The following REPS2 variants were observed in gnomAD, a reference collection of about 807,000 sequenced individuals.
REPS2 encodes the protein RALBP1 associated Eps domain containing 2.
In REPS2, 23 loss-of-function variants were observed where a neutral mutation model predicts 53.6. The observed-to-expected ratio is 0.43, with a 90% CI of 0.31 to 0.61. The LOEUF is 0.61. Ranked by LOEUF, REPS2 falls within the 20% of genes least tolerant of loss-of-function variation. REPS2 has a pLI of 0.11. For synonymous variants in REPS2, 238 were observed against 218.6 expected, an observed-to-expected ratio of 1.09 and a Z score of -0.78; for missense variants, 446 against 534.9, an observed-to-expected ratio of 0.83 and a Z score of 1.64.
chrX:16,983,174 G>C (rs911736691), intron 1 of REPS2, among the ~76,000 whole-genome samples: 2 of 105,949 alleles, frequency 1.9e-5, no homozygotes, highest in South Asian at 7.9e-4. Flanking sequence ...GTTAAGATAG[G>C]GTGTTGAGAA....
At position 17,068,385 on chromosome X, in the gene REPS2, A is replaced by T. The variant is rs773072057; in HGVS notation, c.1210-17A>T. Reference sequence around the variant, plus strand: ...CTGTTCCAACCAGTTTAATTCATTTACTTTTCTTTTTCAAAGAAGACATCT... The same window carrying T: ...CTGTTCCAACCAGTTTAATTCATTTTCTTTTCTTTTTCAAAGAAGACATCT... On this transcript the variant is annotated splice_polypyrimidine_tract_variant and intron_variant, in intron 9 of 17. Transcript: ENST00000357277. The T allele has an allele frequency of 6.3e-5, 74 of 1,171,724 alleles. No individual in the cohort carries two copies. The highest frequency in any genetic ancestry group is 8.2e-5 in the Non-Finnish European group (71 of 863,458).
At chrX:16,969,468 A>C (rs1358100960) in intron 1 of REPS2, among the ~76,000 whole-genome samples, 1 of 109,390 alleles carries the variant, frequency 9.1e-6, no homozygotes, top group African/African-American at 3.3e-5. Context: ...CTCCGTCTGC[A>C]ATCCCGGCAC....
In REPS2 at chrX:17,148,389, A is replaced by C. The variant is rs1469199231; in HGVS notation, c.*908A>C. The C allele has an allele frequency of 8.9e-6, 1 of 112,643 alleles. No individual in the cohort carries two copies. Among genetic ancestry groups the C allele is most frequent in the Non-Finnish European group, 1.9e-5 (1 of 53,428 alleles). The allele number at this position is 112,643 out of a possible 1,213,427, so 9.3% of individuals were successfully genotyped here. A position where few individuals can be genotyped will look rare whatever the true frequency, so the allele number is the denominator to read the frequency against. On this transcript the variant is annotated 3_prime_UTR_variant, in exon 18 of 18. Coordinates refer to ENST00000357277, the MANE Select transcript of REPS2 (RefSeq NM_004726.3). ...GCTGATGAGACTGTTAGGATTGATA[A>C]ACATTTGTTGTTTGAACCCAGCTAT...
chrX:17,144,411 T>A lies in REPS2; in HGVS notation c.1915-3002T>A, dbSNP rs923622920. ...TTTAGCCAACTCCCATCTCCCCTTA[T>A]GTACTCCCACTTTAATAGGTATCTG... On this transcript the variant is annotated intron_variant, in intron 17 of 17. Transcript: ENST00000357277. Among the ~76,000 whole-genome samples, 35 of 112,909 alleles carry A rather than the reference T, an allele frequency of 3.1e-4. 1 individual carries two copies.
chrX:17,067,024 CTT>C (rs1026805165), intron 9 of REPS2, among the ~76,000 whole-genome samples: 1 of 112,247 alleles, frequency 8.9e-6, no homozygotes, highest in Non-Finnish European at 1.9e-5. Flanking sequence ...AACCAATTAA[CTT>C]TTTGGAACAC....
chrX:17,189,269 T>C, the REPS2 span, among the ~76,000 whole-genome samples: 1 of 109,552 alleles, frequency 9.1e-6, no homozygotes, highest in Admixed American at 9.7e-5. Context: ...CACATGCCAC[T>C]TTCTTTTCTT....
intron 6 of REPS2, among the ~76,000 whole-genome samples, chrX:17,047,758 C>T (rs1351768850): frequency 8.9e-6 from 1 of 112,864 alleles, no homozygotes; most frequent in African/African-American, 3.2e-5. Flanking sequence ...GAAATGCTAG[C>T]GTGTCGCCCC....
chrX:17,027,659 G>GTTTTT (rs761592588), intron 4 of REPS2, among the ~76,000 whole-genome samples: 20 of 67,264 alleles, frequency 3.0e-4, no homozygotes, highest in African/African-American at 4.2e-4. Context: ...AAATCTTTAG[G>GTTTTT]TTTTTTTTTT....
rs772319159 is a variant in REPS2 at position 16,948,528 on chromosome X, G to A, written c.273+1394G>A. Reference sequence around the variant, plus strand: ...AATACATTTATTCAGTGCTGTAGCTGCTTCCCAGCTGAAAGAGGAATAATT... The same window carrying A: ...AATACATTTATTCAGTGCTGTAGCTACTTCCCAGCTGAAAGAGGAATAATT... On this transcript the variant is annotated intron_variant, in intron 1 of 17. Coordinates refer to ENST00000357277, the MANE Select transcript of REPS2 (RefSeq NM_004726.3). Among the ~76,000 whole-genome samples the A allele has an allele frequency of 2.7e-5, 3 of 112,461 alleles. No individual in the cohort carries two copies. The East Asian group carries it at 8.3e-4, about 31-fold the overall frequency.
the REPS2 span, among the ~76,000 whole-genome samples, chrX:17,179,948 G>A: frequency 8.9e-6 from 1 of 112,165 alleles, no homozygotes; most frequent in Admixed American, 9.5e-5. Flanking sequence ...TGGCTATGAT[G>A]TATTGTTAAG....
intron 1 of REPS2, among the ~76,000 whole-genome samples, chrX:16,987,631 C>G (rs778774873): frequency 3.0e-4 from 33 of 111,206 alleles, no homozygotes; most frequent in African/African-American, 1.0e-3. Flanking sequence ...ATATTTTAAC[C>G]CCTGCAGGCC....
intron 5 of REPS2, among the ~76,000 whole-genome samples, chrX:17,041,634 C>G (rs895477455): frequency 7.1e-5 from 8 of 111,976 alleles, no homozygotes; most frequent in Non-Finnish European, 1.3e-4. Context: ...TCACTGTGGG[C>G]TTAGTATGAG....
At chrX:16,976,295 A>G (rs915732698) in intron 1 of REPS2, among the ~76,000 whole-genome samples, 1 of 111,507 alleles carries the variant, frequency 9.0e-6, no homozygotes, top group Non-Finnish European at 1.9e-5. Context: ...AAGCATTTTT[A>G]TTCTGAAAGT....
chrX:17,097,575 A>G (rs1464581442), intron 13 of REPS2, among the ~76,000 whole-genome samples: 1 of 112,281 alleles, frequency 8.9e-6, no homozygotes, highest in African/African-American at 3.2e-5. Flanking sequence ...AGTAAATGGA[A>G]GAAGATAAGC....
chrX:17,062,462 G>A lies in REPS2; in HGVS notation c.1139G>A (p.Cys380Tyr). 8.3e-7 allele frequency: 1 copy of A among 1,203,523 alleles called. No homozygotes were observed. The highest frequency in any genetic ancestry group is 1.1e-6 in the Non-Finnish European group (1 of 891,544). Reference sequence around the variant, plus strand: ...GCTTTTCCTAAGCCCAAATGGGACTGTCAATTATTTGATTCTTATTCTGAG... The same window carrying A: ...GCTTTTCCTAAGCCCAAATGGGACTATCAATTATTTGATTCTTATTCTGAG... ...QAAFPKPKWD[C>Y]QLFDSYSESL... Residue 380 changes from cysteine (C) to tyrosine (Y), a missense_variant, in exon 9 of 18, where the codon TGT becomes TAT. By Grantham distance (194) the Cys-to-Tyr change is radical. Coordinates refer to ENST00000357277, the MANE Select transcript of REPS2 (RefSeq NM_004726.3).
At position 17,006,270 on chromosome X, in the gene REPS2, A is replaced by G; in HGVS notation, c.323A>G (p.Gln108Arg). The part of the protein sequence containing the change: ...AKRVGYFGPT[Q>R]FYIALKLIAA... ...CGGGTTGGTTATTTTGGTCCAACAC[A>G]GTTTTACATTGCCCTGAAATTAATT... Residue 108 changes from glutamine (Q) to arginine (R), a missense_variant, in exon 2 of 18, where the codon CAG (glutamine) becomes CGG (arginine). Physicochemically the swap from Gln to Arg is conservative, Grantham distance 43 (BLOSUM62 1). Transcript: ENST00000357277. The G allele has an allele frequency of 8.3e-7, 1 of 1,209,280 alleles. No individual in the cohort carries two copies. Among genetic ancestry groups the G allele is most frequent in the Non-Finnish European group, 1.1e-6 (1 of 892,995 alleles).
intron 6 of REPS2, among the ~76,000 whole-genome samples, chrX:17,050,969 G>C (rs2061994398): frequency 9.0e-6 from 1 of 110,763 alleles, no homozygotes; most frequent in Non-Finnish European, 1.9e-5. Context: ...CTAGTTTTTT[G>C]TACCCATTAG....
Position 17,077,549 on chromosome X carries a change from G to A in REPS2, c.1516+142G>A, listed in dbSNP as rs559605336. 74 of 563,730 alleles carry A rather than the reference G, an allele frequency of 1.3e-4. No homozygotes were observed. The South Asian group carries it at 3.2e-3, about 24-fold the overall frequency. The allele number at this position is 563,730 out of a possible 1,213,427, so 46.5% of individuals were successfully genotyped here. A position where few individuals can be genotyped will look rare whatever the true frequency, so the allele number is the denominator to read the frequency against. On this transcript the variant is annotated intron_variant, in intron 13 of 17. Transcript: ENST00000357277. ...CCGTGAAGGTCTTCACGTGGCTATG[G>A]TATTCTTGGGAGAGAAAGCAATTCT...
chrX:16,969,637 A>T (rs1410215084), intron 1 of REPS2, among the ~76,000 whole-genome samples: 1 of 110,832 alleles, frequency 9.0e-6, no homozygotes, highest in Non-Finnish European at 1.9e-5. Context: ...GAGGCAGGAG[A>T]ATCAGGCAGG....
Sources: gnomAD v4.1 joint callset for allele counts (sites outside exome capture counted in the v4.1 genomes callset) on GRCh38, gnomAD v4.1.1 for gene constraint, MANE v1.5 for transcripts, NCBI Gene and HGNC (gene_info 2026-07-23, HGNC 2026-07-21) for gene names.